CALN1: variants seen among roughly 807,000 people sequenced by gnomAD.
The protein encoded by CALN1 is calcium-binding protein 8.
Under a neutral mutation model 30.6 loss-of-function variants are expected in CALN1, and 17 were observed. The observed-to-expected ratio is 0.56, with a 90% CI of 0.38 to 0.83. The LOEUF (loss-of-function observed/expected upper bound fraction) is 0.83. Among genes scored for constraint, CALN1 ranks in the 40% least tolerant of loss-of-function variants. The pLI, the probability that CALN1 is intolerant of heterozygous loss-of-function variation, is 0.00. For synonymous variants in CALN1, 156 were observed against 131.4 expected (o/e 1.19, Z -1.28); for missense variants, 291 against 354.9 (o/e 0.82, Z 1.45).
At chr7:72,404,969 G>A (rs911496537) in intron 1 of CALN1, among the ~76,000 whole-genome samples, 5 of 152,168 alleles carry the variant, frequency 3.3e-5, no homozygotes, top group Non-Finnish European at 7.3e-5. Flanking sequence ...CCAACTAGAT[G>A]CTTTGTAATT....
intron 5 of CALN1, among the ~76,000 whole-genome samples, chr7:72,018,396 C>A (rs949469417): frequency 1.3e-5 from 2 of 152,112 alleles, no homozygotes; most frequent in Non-Finnish European, 2.9e-5. Flanking sequence ...TTCCCATATA[C>A]CATATCCTAA....
chr7:72,166,915 A>G (rs942470819), intron 3 of CALN1, among the ~76,000 whole-genome samples: 2 of 152,066 alleles, frequency 1.3e-5, no homozygotes, highest in African/African-American at 4.8e-5. Flanking sequence ...TGGTGGTGGC[A>G]TGCACCTATA....
intron 3 of CALN1, among the ~76,000 whole-genome samples, chr7:72,180,489 C>T (rs954387600): frequency 6.8e-6 from 1 of 147,042 alleles, no homozygotes; most frequent in Admixed American, 6.8e-5. Flanking sequence ...ATTTCTTCCA[C>T]AATTATTCAT....
intron 3 of CALN1, among the ~76,000 whole-genome samples, chr7:72,223,949 G>C (rs527900160): frequency 6.6e-6 from 1 of 152,128 alleles, no homozygotes; most frequent in South Asian, 2.1e-4. Flanking sequence ...CTCAAGTATT[G>C]GGTACACGCA....
rs1803321062 is a variant in CALN1, at chr7:72,057,309, A to G, written c.389-33540T>C. ...AGTCTTCTCACTAATACTGATGGTA[A>G]CAGACATGAGCATAGACTTTCTGGA... On this transcript the variant is annotated intron_variant, in intron 4 of 6. Transcript: ENST00000395275. Among the ~76,000 whole-genome samples the G allele has an allele frequency of 3.9e-5, 6 of 152,104 alleles. No homozygotes were observed. In the South Asian group the frequency reaches 1.0e-3, roughly 26 times the overall value.
chr7:71,916,525 T>C (rs1482121974), intron 5 of CALN1, among the ~76,000 whole-genome samples: 2 of 152,028 alleles, frequency 1.3e-5, no homozygotes, highest in East Asian at 1.9e-4. Context: ...GCCAGGAACA[T>C]GGATGGAGCT....
chr7:72,260,120 G>A (rs1298538552), intron 3 of CALN1, among the ~76,000 whole-genome samples: 1 of 152,156 alleles, frequency 6.6e-6, no homozygotes, highest in African/African-American at 2.4e-5. Context: ...TAGTTCTAGA[G>A]GCCAGGAGTG....
At chr7:72,422,867 G>A (rs113031729) in intron 1 of CALN1, among the ~76,000 whole-genome samples, 3 of 152,100 alleles carry the variant, frequency 2.0e-5, no homozygotes, top group Admixed American at 1.3e-4. Flanking sequence ...ATCGGCTCAC[G>A]CCTGTAATCC....
intron 4 of CALN1, among the ~76,000 whole-genome samples, chr7:72,073,629 CTCTG>C (rs1052971187): frequency 1.1e-4 from 15 of 139,822 alleles, no homozygotes; most frequent in Admixed American, 2.2e-4. Context: ...CTTTCTTTCT[CTCTG>C]TCTTTTTCCT....
At chr7:72,208,323 A>C (rs1375730516) in intron 3 of CALN1, among the ~76,000 whole-genome samples, 3 of 152,356 alleles carry the variant, frequency 2.0e-5, no homozygotes, top group African/African-American at 4.8e-5. Flanking sequence ...AAGATACACA[A>C]ATTTTCACAC....
chr7:71,995,057 G>T (rs1472023862), intron 5 of CALN1, among the ~76,000 whole-genome samples: 1 of 152,048 alleles, frequency 6.6e-6, no homozygotes, highest in African/African-American at 2.4e-5. Context: ...TTTCACCGTG[G>T]TAGTCAGGAT....
chr7:72,112,553 G>C lies in CALN1; in HGVS notation c.245-6259C>G, dbSNP rs187645942. On this transcript the variant is annotated intron_variant, in intron 3 of 6. Transcript: ENST00000395275. ...AAGCTATGGAAATGCACCGGAAAATGTAAGATACAAACCTAGAGTTATTTA... is the reference window on the plus strand; with the variant it reads ...AAGCTATGGAAATGCACCGGAAAATCTAAGATACAAACCTAGAGTTATTTA... Among the ~76,000 whole-genome samples the C allele has an allele frequency of 5.8e-4, 88 of 152,306 alleles. 1 individual carries two copies. The highest frequency in any genetic ancestry group is 4.8e-3 in the Admixed American group (73 of 15,294).
chr7:72,404,207 C>A (rs1441457699), intron 1 of CALN1, among the ~76,000 whole-genome samples: 1 of 152,214 alleles, frequency 6.6e-6, no homozygotes, highest in Non-Finnish European at 1.5e-5. Context: ...TCTCTGCCTA[C>A]TTCTACTGTC....
At chr7:72,285,825 T>C (rs969254722) in intron 2 of CALN1, among the ~76,000 whole-genome samples, 12 of 152,342 alleles carry the variant, frequency 7.9e-5, no homozygotes, top group East Asian at 1.9e-4. Context: ...GAGCTCTCTA[T>C]AGAGTGCTAG....
chr7:72,111,571 C>T lies in CALN1; in HGVS notation c.245-5277G>A, dbSNP rs554139869. On this transcript the variant is annotated intron_variant, in intron 3 of 6. Transcript: ENST00000395275. ...CTCCTGGGCTCAAGAGATCCTCCTG[C>T]CTTGGCCTCTTGAGTACACACCACC... Among the ~76,000 whole-genome samples, 712 of 151,992 alleles carry T rather than the reference C, an allele frequency of 4.7e-3. 8 individuals are homozygous for T. The highest frequency in any genetic ancestry group is 0.017 in the Middle Eastern group (5 of 294).
intron 2 of CALN1, among the ~76,000 whole-genome samples, chr7:72,367,879 A>G (rs1041643762): frequency 3.3e-5 from 5 of 152,072 alleles, no homozygotes; most frequent in African/African-American, 7.2e-5. Context: ...CACACCTGTA[A>G]TAACAACACT....
intron 5 of CALN1, among the ~76,000 whole-genome samples, chr7:71,949,044 TAAA>T (rs34370568): frequency 0.32 from 21,138 of 66,854 alleles, 2,737 homozygotes; most frequent in South Asian, 0.42. Flanking sequence ...CTCTGTCTCT[TAAA>T]AAAAAAAAAA....
intron 3 of CALN1, among the ~76,000 whole-genome samples, chr7:72,244,090 G>A (rs1795012190): frequency 6.6e-6 from 1 of 152,074 alleles, no homozygotes; most frequent in African/African-American, 2.4e-5. Flanking sequence ...CCTTGCTCAA[G>A]ACCATACACA....
intron 2 of CALN1, among the ~76,000 whole-genome samples, chr7:72,353,817 G>A (rs374427308): frequency 1.3e-5 from 2 of 152,282 alleles, no homozygotes; most frequent in South Asian, 2.1e-4. Context: ...GTATTTGAAT[G>A]AAAGTGACCT....
Sources: allele counts gnomAD v4.1 joint callset (sites outside exome capture counted in the v4.1 genomes callset), GRCh38; gene constraint gnomAD v4.1.1; transcripts MANE v1.5; gene names NCBI Gene and HGNC (gene_info 2026-07-23, HGNC 2026-07-21).